PLXNC1: variants seen among roughly 807,000 people sequenced by gnomAD.
PLXNC1 encodes plexin-C1.
Under a neutral mutation model 178.2 loss-of-function variants are expected in PLXNC1, and 75 were observed. The observed-to-expected ratio is 0.42, with a 90% confidence interval of 0.35 to 0.51. The LOEUF is 0.51. PLXNC1 is among the 20% of genes least tolerant of loss of function. PLXNC1 has a pLI of 0.02. For missense variants in PLXNC1, 1,503 were observed against 1,984.4 expected (o/e 0.76, Z 4.61); for synonymous variants, 790 against 779.9 (o/e 1.01, Z -0.22).
chr12:94,262,473 G>T, intron 20 of PLXNC1: 1 of 985,196 alleles, frequency 1.0e-6, no homozygotes, highest in Non-Finnish European at 1.2e-6. Context: ...AATCTGGGCT[G>T]CGAGCCCAAA....
rs1305191238 is a variant in PLXNC1, at chr12:94,149,240, C to G, written c.269C>G (p.Pro90Arg). The G allele has an allele frequency of 6.4e-7, 1 of 1,562,380 alleles. No individual in the cohort carries two copies. The highest frequency in any genetic ancestry group is 1.9e-5 in the Admixed American group (1 of 53,968). Residue 90 changes from proline (P) to arginine (R), a missense_variant, in exon 1 of 31, where the codon CCG (proline) becomes CGG (arginine). Physicochemically the swap from Pro to Arg is moderately radical, Grantham distance 103. Transcript: ENST00000258526. Reference protein sequence around the residue: ...YRDQAGNCTEPVSLAPPARPR... With the variant: ...YRDQAGNCTERVSLAPPARPR... ...GACCAAGCGGGCAACTGCACAGAGC[C>G]GGTCTCGCTGGCGCCCCCCGCGCGG...
intron 9 of PLXNC1, among the ~76,000 whole-genome samples, chr12:94,233,288 A>G (rs1205799823): frequency 2.6e-5 from 4 of 152,056 alleles, no homozygotes; most frequent in Admixed American, 6.5e-5. Flanking sequence ...CAAGAATCTC[A>G]TGCATGAGTC....
intron 4 of PLXNC1, among the ~76,000 whole-genome samples, chr12:94,195,902 C>G (rs541906270): frequency 4.9e-4 from 74 of 152,324 alleles, no homozygotes; most frequent in African/African-American, 1.7e-3. Flanking sequence ...CCCCAACACC[C>G]CAGAGTAACA....
intron 2 of PLXNC1, among the ~76,000 whole-genome samples, chr12:94,171,628 T>C (rs1961849103): frequency 6.6e-6 from 1 of 152,132 alleles, no homozygotes; most frequent in South Asian, 2.1e-4. Context: ...GCCGCACACA[T>C]TGGTACTACT....
chr12:94,297,009 C>T (rs760340832), intron 24 of PLXNC1, among the ~76,000 whole-genome samples, 180 bp from the exon 25 acceptor site: 3 of 152,180 alleles, frequency 2.0e-5, no homozygotes, highest in African/African-American at 4.8e-5. Context: ...CCCATCTTCA[C>T]GCTGTTCTTA....
intron 30 of PLXNC1, 26 bp downstream of exon 30, chr12:94,304,077 T>A: frequency 7.3e-7 from 1 of 1,366,964 alleles, no homozygotes; most frequent in South Asian, 1.2e-5. Context: ...ACATTGTTTT[T>A]AACCTTTGAA....
At position 94,247,977 on chromosome 12, in the gene PLXNC1, T is replaced by C; in HGVS notation, c.2463T>C (p.Asn821=). The change falls in exon 13 of 31, where the codon AAT becomes AAC. Residue 821 remains asparagine, a synonymous_variant. Transcript: ENST00000258526. ...PSLKSSKVRT[N]VTVKLRVQDT... is the part of the protein sequence containing the mutation. The stretch of plus-strand genomic sequence containing the variant: ...TAAAGAGTTCAAAAGTGCGCACGAA[T>C]GTCACTGTGAAGCTGAGAGTACAAG... 1 of 1,614,182 alleles carries C rather than the reference T, an allele frequency of 6.2e-7. No homozygotes were observed. Among genetic ancestry groups the C allele is most frequent in the Non-Finnish European group, 8.5e-7 (1 of 1,180,012 alleles).
intron 2 of PLXNC1, among the ~76,000 whole-genome samples, chr12:94,178,249 C>T (rs1462192553): frequency 6.6e-6 from 1 of 152,152 alleles, no homozygotes; most frequent in Non-Finnish European, 1.5e-5. Flanking sequence ...TGTCATTTAG[C>T]TTGTTCCTCT....
chr12:94,185,667 G>A (rs541539033), intron 3 of PLXNC1, among the ~76,000 whole-genome samples: 16 of 152,330 alleles, frequency 1.1e-4, no homozygotes, highest in Middle Eastern at 3.4e-3. Context: ...CACTGGAGGG[G>A]TGTGAGCAAA....
intron 1 of PLXNC1, among the ~76,000 whole-genome samples, chr12:94,155,250 G>T (rs1441678254): frequency 6.6e-6 from 1 of 152,204 alleles, no homozygotes; most frequent in Admixed American, 6.5e-5. Context: ...GCTTTATGCT[G>T]TAGGCAGTGG....
In PLXNC1 at chr12:94,294,520, A is replaced by T; in HGVS notation, c.3914A>T (p.Lys1305Met). 2 of 1,313,754 alleles carry T rather than the reference A, an allele frequency of 1.5e-6. No individual in the cohort carries two copies. Among genetic ancestry groups the T allele is most frequent in the Non-Finnish European group, 2.2e-6 (2 of 915,180 alleles). 81.4% of individuals were successfully genotyped at this position (1,313,754 alleles called of 1,614,324 possible). A position where few individuals can be genotyped will look rare whatever the true frequency, so the allele number is the denominator to read the frequency against. The stretch of plus-strand genomic sequence containing the variant: ...GGATCCACTATAAAAGTCTTTAAGA[A>T]GATAGCAAATTTTACTTCAGGTAAC... ...SNGSTIKVFK[K>M]IANFTSDVEY... The change falls in exon 24 of 31, where the codon AAG becomes ATG. Residue 1305 changes from lysine (K) to methionine (M), a missense_variant. This residue lies in a region of PLXNC1 where 639 missense variants were observed against 979.7 expected (regional missense o/e 0.65). Coordinates refer to ENST00000258526, the MANE Select transcript of PLXNC1 (RefSeq NM_005761.3).
chr12:94,204,200 A>T (rs1414597162), intron 4 of PLXNC1, among the ~76,000 whole-genome samples: 1 of 152,220 alleles, frequency 6.6e-6, no homozygotes, highest in Non-Finnish European at 1.5e-5. Flanking sequence ...CTGAGAGGCA[A>T]TATAGGTAGC....
intron 4 of PLXNC1, among the ~76,000 whole-genome samples, chr12:94,198,217 G>T (rs912753406): frequency 4.6e-5 from 7 of 152,200 alleles, no homozygotes; most frequent in African/African-American, 1.7e-4. Flanking sequence ...AAAGGAATGA[G>T]ATCATGTCCT....
Position 94,181,459 on chromosome 12 carries a change from A to G in PLXNC1, c.1217A>G (p.Glu406Gly). ...DGQLLKVILGENLTSNCPEVI... is the reference protein window; with the variant it reads ...DGQLLKVILGGNLTSNCPEVI... ...AAAAAAAAATAGGTTATTCTTGGTGAGAATTTGACTTCAAATTGTCCAGAG... is the reference window on the plus strand; with the variant it reads ...AAAAAAAAATAGGTTATTCTTGGTGGGAATTTGACTTCAAATTGTCCAGAG... The change falls in exon 3 of 31, where the codon GAG becomes GGG. Residue 406 changes from glutamate (E) to glycine (G), a missense_variant. Physicochemically the swap from Glu to Gly is moderately conservative, Grantham distance 98. Around this residue, in one of 4 missense-constraint regions of PLXNC1, gnomAD observed 615 missense variants for 698.6 expected, o/e 0.88. Coordinates refer to ENST00000258526, the MANE Select transcript of PLXNC1 (RefSeq NM_005761.3). The G allele has an allele frequency of 6.4e-7, 1 of 1,555,670 alleles. No individual in the cohort carries two copies. The highest frequency in any genetic ancestry group is 8.8e-7 in the Non-Finnish European group (1 of 1,139,854).
At chr12:94,169,894 T>G (rs1364485234) in intron 2 of PLXNC1, among the ~76,000 whole-genome samples, 1 of 152,146 alleles carries the variant, frequency 6.6e-6, no homozygotes, top group Non-Finnish European at 1.5e-5. Context: ...CCCGGTCAAG[T>G]GCAGGTTTTT....
Position 94,279,514 on chromosome 12 carries a change from G to A in PLXNC1, c.3640G>A (p.Ala1214Thr), listed in dbSNP as rs368088029. The change falls in exon 22 of 31, where the codon GCA becomes ACA. Residue 1214 changes from alanine (A) to threonine (T), a missense_variant. Ala to Thr is a moderately conservative substitution (Grantham distance 58). Coordinates refer to ENST00000258526, the MANE Select transcript of PLXNC1 (RefSeq NM_005761.3). The stretch of plus-strand genomic sequence containing the variant: ...TGAAAAAATCCCGGAAAACGAGAGT[G>A]CAGATGTCTGTCGGAATATTTCAGT... ...VFEKIPENES[A>T]DVCRNISVNV... is the part of the protein sequence containing the mutation. The A allele has an allele frequency of 1.8e-5, 29 of 1,614,014 alleles. No homozygotes were observed. The highest frequency in any genetic ancestry group is 1.6e-4 in the Middle Eastern group (1 of 6,084).
intron 21 of PLXNC1, among the ~76,000 whole-genome samples, chr12:94,278,981 G>C (rs1410788351): frequency 7.4e-6 from 1 of 135,150 alleles, no homozygotes; most frequent in Non-Finnish European, 1.6e-5. Flanking sequence ...CTGGGTGACA[G>C]AGCAAGACTC....
chr12:94,293,073 T>C (rs1967525019), intron 23 of PLXNC1, among the ~76,000 whole-genome samples: 1 of 152,214 alleles, frequency 6.6e-6, no homozygotes, highest in South Asian at 2.1e-4. Flanking sequence ...TCAAGCTCTA[T>C]GTAAATGGAA....
rs992356056 is a variant in PLXNC1 at position 94,258,267 on chromosome 12, A to C, written c.3088-1070A>C. On this transcript the variant is annotated intron_variant, in intron 17 of 30. Coordinates refer to ENST00000258526, the MANE Select transcript of PLXNC1 (RefSeq NM_005761.3). ...AAAATATTAAGAACCAGAAAATGCAAACCTAGGGTCTGGGGGTTTTTTTGG... is the reference window on the plus strand; with the variant it reads ...AAAATATTAAGAACCAGAAAATGCACACCTAGGGTCTGGGGGTTTTTTTGG... 5.3e-5 allele frequency among the ~76,000 whole-genome samples: 8 copies of C among 152,314 alleles called. No individual in the cohort carries two copies. In the East Asian group the frequency reaches 9.7e-4, roughly 18 times the overall value.
Sources: allele counts gnomAD v4.1 joint callset (sites outside exome capture counted in the v4.1 genomes callset), GRCh38; gene constraint gnomAD v4.1.1; regional missense constraint gnomAD v4.1.1; transcripts MANE v1.5; gene names NCBI Gene and HGNC (gene_info 2026-07-23, HGNC 2026-07-21).